Variants in FANCA observed in about 807,000 individuals in gnomAD.
FANCA encodes the protein Fanconi anemia group A protein.
FANCA carries 236 observed loss-of-function variants against 194.3 expected under a neutral mutation model. The ratio of observed to expected loss-of-function variants is 1.21; its 90% CI spans 1.09 to 1.35. The LOEUF (loss-of-function observed/expected upper bound fraction) is 1.35, where lower values mean the gene tolerates loss of function less well. Among genes scored for constraint, FANCA ranks in the 40% most tolerant of loss-of-function variants. The pLI is 0.00. For missense variants in FANCA, 2,628 were observed against 1,813.9 expected, an observed-to-expected ratio of 1.45 and a Z score of -8.15; for synonymous variants, 1,014 against 715.8, an observed-to-expected ratio of 1.42 and a Z score of -6.65.
intron 7 of FANCA, 132 bp downstream of exon 7, chr16:89,805,148 G>C: frequency 2.8e-6 from 2 of 715,260 alleles, no homozygotes; most frequent in Non-Finnish European, 5.1e-6. Context: ...GAGACTGGGA[G>C]TCTGTCATGC....
At chr16:89,793,990 C>A (rs1330426427) in intron 11 of FANCA, among the ~76,000 whole-genome samples, 1 of 151,958 alleles carries the variant, frequency 6.6e-6, no homozygotes, top group East Asian at 1.9e-4. Context: ...GACCTCGTGA[C>A]CTGCCCGTCT....
chr16:89,778,706 T>G, intron 20 of FANCA, 95 bp downstream of exon 20: 4 of 1,089,440 alleles, frequency 3.7e-6, no homozygotes, highest in Non-Finnish European at 5.6e-6. Flanking sequence ...AACACAATAG[T>G]GGTCTAACAA....
chr16:89,804,082 C>T (rs2143621681), intron 7 of FANCA, among the ~76,000 whole-genome samples: 1 of 152,154 alleles, frequency 6.6e-6, no homozygotes, highest in South Asian at 2.1e-4. Flanking sequence ...AAAATAAGAC[C>T]AAGAGGACTG....
chr16:89,812,229 C>T (rs1185271730), intron 3 of FANCA, among the ~76,000 whole-genome samples: 1 of 151,844 alleles, frequency 6.6e-6, no homozygotes, highest in Non-Finnish European at 1.5e-5. Context: ...GTCCCAGCTA[C>T]TCAGGAGGCT....
At chr16:89,783,647 G>T (rs2039799001) in intron 15 of FANCA, among the ~76,000 whole-genome samples, 1 of 152,170 alleles carries the variant, frequency 6.6e-6, no homozygotes. Flanking sequence ...CAAGTCCAGG[G>T]CGGCTCACTG....
At chr16:89,775,949 C>G in intron 20 of FANCA, 134 bp from the exon 21 acceptor site, 1 of 447,588 alleles carries the variant, frequency 2.2e-6, no homozygotes, top group Admixed American at 3.8e-5. Flanking sequence ...CAGTATGAGC[C>G]TGTTTTTACA....
intron 31 of FANCA, 151 bp from the exon 32 acceptor site, chr16:89,750,053 T>C: frequency 1.2e-6 from 1 of 826,646 alleles, no homozygotes; most frequent in South Asian, 1.4e-5. Flanking sequence ...TGGAAATCAC[T>C]TTGAAATTGC....
chr16:89,761,432 A>AAAG (rs1555544022), intron 29 of FANCA, among the ~76,000 whole-genome samples: 1 of 151,572 alleles, frequency 6.6e-6, no homozygotes, highest in Non-Finnish European at 1.5e-5. Flanking sequence ...AAAAAAAAAA[A>AAAG]AAAAAGAAAA....
chr16:89,809,739 G>A (rs1213624423), intron 5 of FANCA, among the ~76,000 whole-genome samples: 5 of 152,054 alleles, frequency 3.3e-5, no homozygotes, highest in Non-Finnish European at 7.4e-5. Context: ...TGTAATCCCA[G>A]CTACTCGGGA....
chr16:89,792,380 C>A, intron 12 of FANCA, 91 bp downstream of exon 12: 1 of 1,359,936 alleles, frequency 7.4e-7, no homozygotes, highest in South Asian at 1.2e-5. Flanking sequence ...TCTCGATGTG[C>A]CGTCCACGGC....
In FANCA at chr16:89,770,576, G is replaced by A. The variant is rs199938598; in HGVS notation, c.2210C>T (p.Ala737Val). The A allele has an allele frequency of 7.0e-5, 113 of 1,610,634 alleles. 1 individual carries two copies. The East Asian group carries it at 2.5e-3, about 36-fold the overall frequency. The change falls in exon 24 of 43, where the codon GCT becomes GTT. Residue 737 changes from alanine (A) to valine (V), a missense_variant. Coordinates refer to ENST00000389301, the MANE Select transcript of FANCA (RefSeq NM_000135.4). ...CQNLMAASSV[A>V]PPERQGPWAA... is the part of the protein sequence containing the mutation. The stretch of plus-strand genomic sequence containing the variant: ...CCCGCGCCTTCACCTCTCCGGGGGA[G>A]CGACACTGGAGGCAGCCATCAGGTT...
intron 10 of FANCA, chr16:89,798,614 C>A (rs2040328445): frequency 2.6e-6 from 3 of 1,169,654 alleles, no homozygotes; most frequent in African/African-American, 1.5e-5. Context: ...CCACCTTCCA[C>A]CCAGCCCCCA....
In FANCA at chr16:89,805,373, C is replaced by G; in HGVS notation, c.616G>C (p.Val206Leu). The part of the protein sequence containing the change: ...LLESHPDMHA[V>L]GSWLFRNLCC... ...AGATTCCTGAAGAGCCACGATCCCA[C>G]AGCATGCATGTCGGGATGGCTGGAG... The change falls in exon 7 of 43, where the codon GTG (valine) becomes CTG (leucine). Residue 206 changes from valine to leucine, a missense_variant. By Grantham distance (32) the Val-to-Leu change is conservative (BLOSUM62 1). Coordinates refer to ENST00000389301, the MANE Select transcript of FANCA (RefSeq NM_000135.4). The G allele has an allele frequency of 6.2e-7, 1 of 1,613,894 alleles. No homozygotes were observed. Among genetic ancestry groups the G allele is most frequent in the Non-Finnish European group, 8.5e-7 (1 of 1,179,794 alleles).
chr16:89,742,699 T>G, intron 37 of FANCA, 101 bp downstream of exon 37: 1 of 1,290,250 alleles, frequency 7.8e-7, no homozygotes, highest in South Asian at 1.2e-5. Flanking sequence ...GCCACATATT[T>G]GTCTTTAGAA....
At chr16:89,771,120 G>A (rs892208211) in intron 23 of FANCA, among the ~76,000 whole-genome samples, 19 of 145,254 alleles carry the variant, frequency 1.3e-4, no homozygotes, top group South Asian at 1.1e-3. Flanking sequence ...AGCCAAGATC[G>A]TCCACTCCAG....
At chr16:89,761,431 A>G (rs1567611888) in intron 29 of FANCA, among the ~76,000 whole-genome samples, 1 of 151,570 alleles carries the variant, frequency 6.6e-6, no homozygotes, top group Non-Finnish European at 1.5e-5. Flanking sequence ...AAAAAAAAAA[A>G]AAAAAAGAAA....
chr16:89,810,768 T>C lies in FANCA; in HGVS notation c.461A>G (p.Tyr154Cys). 2 of 1,613,768 alleles carry C rather than the reference T, an allele frequency of 1.2e-6. No homozygotes were observed. The highest frequency in any genetic ancestry group is 1.7e-6 in the Non-Finnish European group (2 of 1,179,636). ...KLSSLLEFAQ[Y>C]LLAHSMFSRL... ...GGAGAACATACTGTGTGCCAATAAA[T>C]ACTGAGCAAACTCTAACAGGGAAGA... Residue 154 changes from tyrosine to cysteine, a missense_variant, in exon 5 of 43, where the codon TAT becomes TGT. Coordinates refer to ENST00000389301, the MANE Select transcript of FANCA (RefSeq NM_000135.4).
At chr16:89,777,527 C>T (rs1402963361) in intron 20 of FANCA, among the ~76,000 whole-genome samples, 2 of 149,526 alleles carry the variant, frequency 1.3e-5, no homozygotes, top group Non-Finnish European at 3.0e-5. Flanking sequence ...AGTTTGAGAC[C>T]AGTCTGGCCA....
At position 89,782,157 on chromosome 16, in the gene FANCA, C is replaced by T. The variant is rs181829527; in HGVS notation, c.1626+702G>A. ...TTGGGAGGCCAAGGCGGGCAGATCA[C>T]GAGGTCAAGAGATCGAGATCATCCT... is the stretch of plus-strand genomic sequence containing the variant. On this transcript the variant is annotated intron_variant, in intron 17 of 42. Coordinates refer to ENST00000389301, the MANE Select transcript of FANCA (RefSeq NM_000135.4). 8.6e-3 allele frequency among the ~76,000 whole-genome samples: 1,301 copies of T among 151,860 alleles called. 15 individuals are homozygous for T. Among genetic ancestry groups the T allele is most frequent in the Middle Eastern group, 0.024 (7 of 294 alleles).
Sources: gnomAD v4.1 joint callset for allele counts (sites outside exome capture counted in the v4.1 genomes callset) on GRCh38, gnomAD v4.1.1 for gene constraint, MANE v1.5 for transcripts, NCBI Gene and HGNC (gene_info 2026-07-23, HGNC 2026-07-21) for gene names.